Variants in PITRM1 observed in about 807,000 individuals in gnomAD.
PITRM1 encodes presequence protease, mitochondrial.
Under a neutral mutation model 129.9 loss-of-function variants are expected in PITRM1, and 100 were observed. The ratio of observed to expected loss-of-function variants is 0.77; its 90% confidence interval spans 0.65 to 0.91. The LOEUF (loss-of-function observed/expected upper bound fraction) is 0.91, where lower values mean the gene tolerates loss of function less well. Ranked by LOEUF, PITRM1 falls within the 40% of genes least tolerant of loss-of-function variation. The pLI, the probability that PITRM1 is intolerant of heterozygous loss-of-function variation, is 0.00. For synonymous variants in PITRM1, 591 were observed against 508.8 expected (o/e 1.16, Z -2.17); for missense variants, 1,471 against 1,318.3 (o/e 1.12, Z -1.79).
At chr10:3,143,104 A>G in intron 23 of PITRM1, 1 of 403,438 alleles carries the variant, frequency 2.5e-6, no homozygotes, top group South Asian at 3.0e-5. Flanking sequence ...TACATGGGGC[A>G]TGTTGAAAGC....
intron 14 of PITRM1, among the ~76,000 whole-genome samples, chr10:3,153,887 AT>A (rs1183015851): frequency 6.6e-6 from 1 of 152,214 alleles, no homozygotes. Context: ...TGTTGCATCT[AT>A]TTTTAAAAGA....
chr10:3,138,997 C>T lies in PITRM1; in HGVS notation c.2824G>A (p.Ala942Thr), dbSNP rs1839908294. ...LQSFGKAVDW[A>T]KSGKFTQQDI... ...TGCTGTGTGAATTTTCCAGACTTAG[C>T]CCAGTCGACAGCCTTCCCAAAAGAC... Residue 942 changes from alanine to threonine, a missense_variant, in exon 25 of 27, where the codon GCT becomes ACT. Coordinates refer to ENST00000224949, the MANE Select transcript of PITRM1 (RefSeq NM_014889.4). 2 of 1,613,790 alleles carry T rather than the reference C, an allele frequency of 1.2e-6. No individual in the cohort carries two copies. Among genetic ancestry groups the T allele is most frequent in the South Asian group, 1.1e-5 (1 of 91,076 alleles).
chr10:3,141,941 G>A (rs1162755985), intron 23 of PITRM1, among the ~76,000 whole-genome samples: 2 of 152,192 alleles, frequency 1.3e-5, no homozygotes, highest in Non-Finnish European at 2.9e-5. Flanking sequence ...GTCTCCACCA[G>A]CACCGGCAGG....
chr10:3,166,405 G>A lies in PITRM1; in HGVS notation c.267-25C>T, dbSNP rs376838575. ...GCTAGGGAAGGAGAATGACCAGAAC[G>A]CAAAAGGTTCAGCTTAGTGCTGCGG... On this transcript the variant is annotated intron_variant, in intron 3 of 26. Transcript: ENST00000224949. The A allele has an allele frequency of 2.5e-4, 379 of 1,506,594 alleles. No homozygotes were observed. The African/African-American group carries it at 2.8e-3, about 11-fold the overall frequency. 93.3% of individuals were successfully genotyped at this position (1,506,594 alleles called of 1,614,324 possible).
chr10:3,151,607 G>A (rs1841524709), intron 14 of PITRM1, among the ~76,000 whole-genome samples: 1 of 152,264 alleles, frequency 6.6e-6, no homozygotes, highest in African/African-American at 2.4e-5. Flanking sequence ...AAGGAATTCT[G>A]CTAGGAAGTG....
chr10:3,151,770 C>T (rs1841539518), intron 14 of PITRM1, among the ~76,000 whole-genome samples: 1 of 152,210 alleles, frequency 6.6e-6, no homozygotes. Flanking sequence ...GGGTCTGGCT[C>T]TGTCACCCAG....
intron 23 of PITRM1, among the ~76,000 whole-genome samples, chr10:3,141,923 G>T (rs1235643594): frequency 6.6e-6 from 1 of 152,158 alleles, no homozygotes; most frequent in East Asian, 1.9e-4. Context: ...CAGACCCTGG[G>T]GGACGGAGTC....
In PITRM1 at chr10:3,138,033, A is replaced by AT; in HGVS notation, c.3111dup (p.Ter1038MetfsTer43). 1.3e-6 allele frequency: 2 copies of AT among 1,596,770 alleles called. No homozygotes were observed. Among genetic ancestry groups the AT allele is most frequent in the Non-Finnish European group, 1.7e-6 (2 of 1,168,980 alleles). On this transcript the variant is annotated frameshift_variant, in exon 27 of 27. Transcript: ENST00000224949. LOFTEE classifies it high-confidence loss of function. ...GTGCAGTCGAGCGCCACGGCTGCTC[A>AT]TTGGATGATCCAGGATGGGTCCTTG...
chr10:3,164,604 G>T (rs762943155), intron 6 of PITRM1, among the ~76,000 whole-genome samples: 2 of 152,120 alleles, frequency 1.3e-5, no homozygotes. Flanking sequence ...GTTTTAATGA[G>T]GACCCAAACA....
At chr10:3,151,711 G>A (rs1423048732) in intron 14 of PITRM1, among the ~76,000 whole-genome samples, 1 of 152,092 alleles carries the variant, frequency 6.6e-6, no homozygotes, top group African/African-American at 2.4e-5. Flanking sequence ...TTTCTTGATG[G>A]ACTGAAATTT....
intron 19 of PITRM1, 77 bp downstream of exon 19, chr10:3,147,494 AT>A: frequency 7.0e-7 from 1 of 1,422,708 alleles, no homozygotes; most frequent in African/African-American, 1.4e-5. Context: ...ACATAAATTA[AT>A]GTATTCCCAA....
At chr10:3,170,309 A>G in intron 1 of PITRM1, 103 bp from the exon 2 acceptor site, 1 of 774,374 alleles carries the variant, frequency 1.3e-6, no homozygotes, top group Non-Finnish European at 2.1e-6. Flanking sequence ...AAGATTATTA[A>G]AGAAAAATTA....
chr10:3,138,857 A>C (rs1381800566), intron 25 of PITRM1, 47 bp downstream of exon 25: 1 of 1,595,600 alleles, frequency 6.3e-7, no homozygotes, highest in Non-Finnish European at 8.6e-7. Context: ...CAGCAACGTC[A>C]TCTGTGAGGC....
At chr10:3,158,003 G>A in intron 11 of PITRM1, 37 bp downstream of exon 11, 1 of 1,287,882 alleles carries the variant, frequency 7.8e-7, no homozygotes, top group Non-Finnish European at 1.1e-6. Flanking sequence ...CAGGAATGAG[G>A]AACGAAAGCA....
intron 20 of PITRM1, chr10:3,146,047 C>T (rs926770006): frequency 4.0e-6 from 1 of 250,754 alleles, no homozygotes; most frequent in Non-Finnish European, 7.8e-6. Context: ...ACTATCAAAA[C>T]ACTGACAACT....
At position 3,155,572 on chromosome 10, in the gene PITRM1, T is replaced by C; in HGVS notation, c.1621+19A>G. ...GAGTGCAGGTTAGGGACTCGCCAGC[T>C]CGGAAGGAAGCCTCTGACCTTTCTC... On this transcript the variant is annotated intron_variant, in intron 14 of 26. Transcript: ENST00000224949. 1 of 1,613,670 alleles carries C rather than the reference T, an allele frequency of 6.2e-7. No individual in the cohort carries two copies. Among genetic ancestry groups the C allele is most frequent in the Non-Finnish European group, 8.5e-7 (1 of 1,179,748 alleles).
chr10:3,167,557 C>CG (rs1203132385), intron 2 of PITRM1, among the ~76,000 whole-genome samples: 1 of 152,116 alleles, frequency 6.6e-6, no homozygotes, highest in Non-Finnish European at 1.5e-5. Flanking sequence ...AGTAACAGAG[C>CG]GCCCTTTCCA....
At position 3,166,375 on chromosome 10, in the gene PITRM1, T is replaced by TAGGGAAGAGAGAGGAATG. The variant is rs1554801875; in HGVS notation, c.271_272insCATTCCTCTCTCTTCCCT (p.Gln91delinsProPheLeuSerLeuProTer). The TAGGGAAGAGAGAGGAATG allele has an allele frequency of 3.5e-6, 5 of 1,413,944 alleles. No homozygotes were observed. Among genetic ancestry groups the TAGGGAAGAGAGAGGAATG allele is most frequent in the South Asian group, 3.5e-5 (3 of 84,920 alleles). The allele number at this position is 1,413,944 out of a possible 1,614,324, so 87.6% of individuals were successfully genotyped here. On this transcript the variant is annotated stop_gained and protein_altering_variant, in exon 4 of 27. Coordinates refer to ENST00000224949, the MANE Select transcript of PITRM1 (RefSeq NM_014889.4). LOFTEE classifies it high-confidence loss of function. ...ACTGTCCATGGGAGTAGTACGGAAC[T>TAGGGAAGAGAGAGGAATG]GCACGCTAGGGAAGGAGAATGACCA...
rs78618487 is a variant in PITRM1 at position 3,143,129 on chromosome 10, G to A, written c.2645+260C>T. ...ATGTTGAAAGCAGTCTGTGTTTAAG[G>A]TCATAGGTATCTGTATTGTTCATAG... On this transcript the variant is annotated intron_variant, in intron 23 of 26. Transcript: ENST00000224949. 2.4e-3 allele frequency: 1,154 copies of A among 480,380 alleles called. 21 individuals are homozygous for A. The East Asian group carries it at 0.042, about 17-fold the overall frequency. The allele number at this position is 480,380 out of a possible 1,614,324, so 29.8% of individuals were successfully genotyped here. A position where few individuals can be genotyped will look rare whatever the true frequency, so the allele number is the denominator to read the frequency against.
Sources: gnomAD v4.1 joint callset for allele counts (sites outside exome capture counted in the v4.1 genomes callset) on GRCh38, gnomAD v4.1.1 for gene constraint, MANE v1.5 for transcripts, NCBI Gene and HGNC (gene_info 2026-07-23, HGNC 2026-07-21) for gene names.